Variants in ANK3 observed in about 807,000 individuals in gnomAD.
The protein encoded by ANK3 is ankyrin-3.
In ANK3, 57 loss-of-function variants were observed where a neutral mutation model predicts 370.9. That is an observed-to-expected ratio of 0.15 (90% CI 0.12 to 0.19). ANK3 has a LOEUF of 0.19. Among genes scored for constraint, ANK3 ranks in the 10% least tolerant of loss-of-function variants. ANK3 has a pLI of 1.00. For missense variants in ANK3, 4,439 were observed against 5,302.1 expected (o/e 0.84, Z 5.06); for synonymous variants, 1,929 against 1,946.3 (o/e 0.99, Z 0.23).
At chr10:60,582,078 G>T (rs991345237) in intron 2 of ANK3, among the ~76,000 whole-genome samples, 2 of 151,990 alleles carry the variant, frequency 1.3e-5, no homozygotes. Flanking sequence ...CAATGAGAAC[G>T]CATGGACACA....
rs76019848 is a variant in ANK3, at chr10:60,470,807, C to T, written c.96+144379G>A. Among the ~76,000 whole-genome samples, 1,095 of 152,092 alleles carry T rather than the reference C, an allele frequency of 7.2e-3. 15 individuals are homozygous for T. The highest frequency in any genetic ancestry group is 0.025 in the African/African-American group (1,043 of 41,508). On this transcript the variant is annotated intron_variant, in intron 2 of 43. Coordinates refer to the ANK3 transcript ENST00000373827. The stretch of plus-strand genomic sequence containing the variant: ...AAGAAGCCAAAGAATAAAAAACAAA[C>T]AAACAAAAAACAAGTATAAAATAAT...
rs2094514681 is a variant in ANK3 at position 60,140,483 on chromosome 10, ACT to A, written c.2615-1398_2615-1397del. On this transcript the variant is annotated intron_variant, in intron 23 of 43. Transcript: ENST00000280772. Reference sequence around the variant, plus strand: ...GGAAACCAATCCCTGGTTTGTATCCACTCTCTTCACCACCGCTGAATTCCTCT... The same window carrying A: ...GGAAACCAATCCCTGGTTTGTATCCACTCTTCACCACCGCTGAATTCCTCT... 3.8e-6 allele frequency: 6 copies of A among 1,589,158 alleles called. No homozygotes were observed. In the South Asian group the frequency reaches 7.0e-5, roughly 18 times the overall value.
chr10:60,143,424 C>T (rs1163481645), intron 23 of ANK3, among the ~76,000 whole-genome samples: 2 of 152,168 alleles, frequency 1.3e-5, no homozygotes, highest in Non-Finnish European at 2.9e-5. Context: ...GTGGCAGCTT[C>T]TAACACGTGT....
At chr10:60,420,259 T>A (rs537852105) in intron 2 of ANK3, among the ~76,000 whole-genome samples, 7 of 152,252 alleles carry the variant, frequency 4.6e-5, no homozygotes, top group African/African-American at 1.7e-4. Flanking sequence ...CATGCAACAC[T>A]ATTTAAAAAC....
chr10:60,387,390 C>T (rs915663687), intron 1 of ANK3, among the ~76,000 whole-genome samples: 25 of 152,048 alleles, frequency 1.6e-4, no homozygotes, highest in African/African-American at 5.8e-4. Context: ...ATGGCTATGC[C>T]ACTGAAGGAA....
At chr10:60,054,671 A>G (rs1465103245) in intron 42 of ANK3, among the ~76,000 whole-genome samples, 3 of 152,194 alleles carry the variant, frequency 2.0e-5, no homozygotes, top group Non-Finnish European at 4.4e-5. Flanking sequence ...GAGTTTGCTA[A>G]AAGTCTTCCT....
At chr10:60,274,692 A>C (rs893808034) in intron 4 of ANK3, among the ~76,000 whole-genome samples, 2 of 152,038 alleles carry the variant, frequency 1.3e-5, no homozygotes, top group Admixed American at 1.3e-4. Context: ...CACCCCAGCT[A>C]TTGGGTTTCC....
intron 42 of ANK3, among the ~76,000 whole-genome samples, chr10:60,049,132 A>ATGAT (rs1411966386): frequency 1.3e-5 from 2 of 152,228 alleles, no homozygotes; most frequent in Non-Finnish European, 2.9e-5. Context: ...GCTTCCAATG[A>ATGAT]TGATTATAAC....
At chr10:60,579,170 C>A (rs1330570069) in intron 2 of ANK3, among the ~76,000 whole-genome samples, 1 of 151,122 alleles carries the variant, frequency 6.6e-6, no homozygotes, top group African/African-American at 2.4e-5. Flanking sequence ...ACTAAAAATA[C>A]AAAAATTTGC....
chr10:60,421,652 C>T (rs960385249), intron 2 of ANK3, among the ~76,000 whole-genome samples: 1 of 151,970 alleles, frequency 6.6e-6, no homozygotes, highest in Non-Finnish European at 1.5e-5. Flanking sequence ...CCCATCCTCA[C>T]CCTAAAAAGC....
chr10:60,545,432 T>C (rs1039350505), intron 2 of ANK3, among the ~76,000 whole-genome samples: 7 of 100,948 alleles, frequency 6.9e-5, no homozygotes, highest in Non-Finnish European at 1.3e-4. Context: ...TCTGTGGTTC[T>C]AATCAAATGA....
intron 1 of ANK3, among the ~76,000 whole-genome samples, chr10:60,293,564 AG>A (rs2041916546): frequency 6.6e-6 from 1 of 152,078 alleles, no homozygotes. Flanking sequence ...TGCTGAAAAT[AG>A]AATTTGGGTT....
chr10:60,271,162 T>G (rs2097974401), intron 4 of ANK3, among the ~76,000 whole-genome samples: 1 of 152,112 alleles, frequency 6.6e-6, no homozygotes. Flanking sequence ...CATCAAACAA[T>G]TTTCAAACTA....
At position 60,369,886 on chromosome 10, in the gene ANK3, C is replaced by T. The variant is rs538199967; in HGVS notation, c.114+19539G>A. ...GAAATTAAACATACAGAGAGATTTA[C>T]AAACACACATTAACACAAACTACAA... On this transcript the variant is annotated intron_variant, in intron 1 of 43. Coordinates refer to ENST00000280772, the MANE Select transcript of ANK3 (RefSeq NM_020987.5). Among the ~76,000 whole-genome samples the T allele has an allele frequency of 1.7e-3, 254 of 152,238 alleles. 2 individuals are homozygous for T. Among genetic ancestry groups the T allele is most frequent in the African/African-American group, 5.8e-3 (242 of 41,534 alleles).
chr10:60,137,374 GAA>G (rs201151245), intron 24 of ANK3: 9,425 of 162,942 alleles, frequency 0.058, 121 homozygotes, highest in Admixed American at 0.077. Context: ...GTAATTTTAG[GAA>G]AAAAAAAAAA....
At chr10:60,296,355 T>G (rs1337145982) in intron 1 of ANK3, among the ~76,000 whole-genome samples, 3 of 152,140 alleles carry the variant, frequency 2.0e-5, no homozygotes, top group Non-Finnish European at 4.4e-5. Flanking sequence ...GCATGAGAAT[T>G]CCTTAAGGAC....
At chr10:60,210,520 G>A (rs2096836694) in intron 9 of ANK3, among the ~76,000 whole-genome samples, 1 of 152,210 alleles carries the variant, frequency 6.6e-6, no homozygotes, top group Non-Finnish European at 1.5e-5. Context: ...AACCGGAGGA[G>A]ATGAGGAAGA....
At chr10:60,409,994 C>T (rs2063527410) in intron 2 of ANK3, among the ~76,000 whole-genome samples, 1 of 152,118 alleles carries the variant, frequency 6.6e-6, no homozygotes, top group African/African-American at 2.4e-5. Flanking sequence ...CTCTGGTCCA[C>T]TACCAGTCCC....
At chr10:60,701,705 GC>G (rs1164199378) in intron 1 of ANK3, among the ~76,000 whole-genome samples, 2 of 152,100 alleles carry the variant, frequency 1.3e-5, no homozygotes, top group African/African-American at 4.8e-5. Context: ...CCGCTGTGCT[GC>G]CCATTGCACC....
Sources: gnomAD v4.1 joint callset for allele counts (sites outside exome capture counted in the v4.1 genomes callset) on GRCh38, gnomAD v4.1.1 for gene constraint, MANE v1.5 for transcripts, NCBI Gene and HGNC (gene_info 2026-07-23, HGNC 2026-07-21) for gene names.